The following MARVELD3 variants were observed in gnomAD, a reference collection of about 807,000 sequenced individuals.
MARVELD3 encodes MARVEL domain-containing protein 3.
A neutral mutation model predicts 33.5 loss-of-function variants in MARVELD3; 28 were observed. The ratio of observed to expected loss-of-function variants is 0.84; its 90% CI spans 0.62 to 1.15. The LOEUF (loss-of-function observed/expected upper bound fraction) is 1.15. MARVELD3 is among the 50% of genes most tolerant of loss of function. The probability of loss-of-function intolerance (pLI) is 0.00; values close to 1 mark genes in which losing one functional copy is unlikely to be tolerated. For synonymous variants in MARVELD3, 241 were observed against 230.4 expected (o/e 1.05, Z -0.42); for missense variants, 582 against 547.6 (o/e 1.06, Z -0.63).
rs538683233 is a variant in MARVELD3 at position 71,633,655 on chromosome 16, A to C, written c.596-538A>C. ...AATGATCCACCTGCCTTGGCCTCCC[A>C]AAGTGCTGGGATTACAGGCGTGAGC... On this transcript the variant is annotated intron_variant, in intron 2 of 2. Coordinates refer to ENST00000268485, the MANE Select transcript of MARVELD3 (RefSeq NM_052858.6). Among the ~76,000 whole-genome samples, 3 of 151,304 alleles carry C rather than the reference A, an allele frequency of 2.0e-5. No individual in the cohort carries two copies. In the South Asian group the frequency reaches 6.3e-4, roughly 32 times the overall value.
chr16:71,632,078 C>A (rs2044539130), intron 2 of MARVELD3, among the ~76,000 whole-genome samples: 1 of 152,154 alleles, frequency 6.6e-6, no homozygotes, highest in Admixed American at 6.5e-5. Flanking sequence ...CGTATTATTC[C>A]ATTAACATGA....
At chr16:71,633,368 A>G (rs1281024301) in intron 2 of MARVELD3, among the ~76,000 whole-genome samples, 1 of 152,066 alleles carries the variant, frequency 6.6e-6, no homozygotes, top group Non-Finnish European at 1.5e-5. Context: ...AAAAAAGAAG[A>G]GACAACTTGT....
downstream of MARVELD3, chr16:71,639,390 T>G (rs1458695201): frequency 1.3e-5 from 2 of 148,278 alleles, no homozygotes; most frequent in African/African-American, 2.5e-5. Context: ...TCTTTTTCAC[T>G]CATCATAATT....
chr16:71,632,732 C>T (rs1166705552), intron 2 of MARVELD3, among the ~76,000 whole-genome samples: 1 of 151,906 alleles, frequency 6.6e-6, no homozygotes, highest in Non-Finnish European at 1.5e-5. Context: ...CCACCTCAGC[C>T]TCCTGAGGAG....
chr16:71,640,523 G>A (rs753083805), downstream of MARVELD3: 110 of 1,614,030 alleles, frequency 6.8e-5, no homozygotes, highest in African/African-American at 2.8e-4. Context: ...ACTACTCACC[G>A]TTCGAGGGCA....
intron 2 of MARVELD3, among the ~76,000 whole-genome samples, chr16:71,630,194 C>A (rs1021455799): frequency 1.3e-5 from 2 of 151,832 alleles, no homozygotes; most frequent in African/African-American, 4.8e-5. Context: ...CGAGACCAGC[C>A]TGGCCAACGT....
Position 71,635,544 on chromosome 16 carries a change from T to C in MARVELD3, c.*741T>C, listed in dbSNP as rs561134720. The C allele has an allele frequency of 9.2e-6, 9 of 982,286 alleles. No individual in the cohort carries two copies. In the East Asian group the frequency reaches 5.7e-4, roughly 62 times the overall value. 60.8% of individuals were successfully genotyped at this position (982,286 alleles called of 1,614,324 possible). Reference sequence around the variant, plus strand: ...ATTGCTTGAACCCAGGAGTTCAAGTTTGCAGTGCGCTATGATTGTCCCACT... The same window carrying C: ...ATTGCTTGAACCCAGGAGTTCAAGTCTGCAGTGCGCTATGATTGTCCCACT... On this transcript the variant is annotated 3_prime_UTR_variant, in exon 3 of 3. Transcript: ENST00000268485.
intron 2 of MARVELD3, among the ~76,000 whole-genome samples, chr16:71,632,840 G>A (rs1266431148): frequency 2.0e-5 from 3 of 151,890 alleles, no homozygotes; most frequent in Non-Finnish European, 2.9e-5. Flanking sequence ...TAGAACTCGT[G>A]ACCGCAGGTG....
Position 71,626,621 on chromosome 16 carries a change from G to A in MARVELD3, c.392G>A (p.Gly131Glu), listed in dbSNP as rs1260732789. Residue 131 changes from glycine to glutamate, a missense_variant, in exon 1 of 3, where the codon GGG becomes GAG. Physicochemically the swap from Gly to Glu is moderately conservative, Grantham distance 98. Transcript: ENST00000268485. This position sits in a 1 kb window ranked among gnomAD's most constrained non-coding sequence, Gnocchi z 5.3. ...ACCTGGGACGCAGCCGCGCCTCCTG[G>A]GCCCGCGCCCTGGGAAGCCCCGGAG... Reference protein sequence around the residue: ...GLTWDAAAPPGPAPWEAPEPP... With the variant: ...GLTWDAAAPPEPAPWEAPEPP... 2 of 1,539,186 alleles carry A rather than the reference G, an allele frequency of 1.3e-6. No homozygotes were observed. The highest frequency in any genetic ancestry group is 2.7e-5 in the African/African-American group (2 of 72,856).
In MARVELD3 at chr16:71,634,738, G is replaced by A. The variant is rs950792064; in HGVS notation, c.1141G>A (p.Ala381Thr). 6.2e-7 allele frequency: 1 copy of A among 1,612,428 alleles called. No homozygotes were observed. The highest frequency in any genetic ancestry group is 8.5e-7 in the Non-Finnish European group (1 of 1,179,588). The change falls in exon 3 of 3, where the codon GCC becomes ACC. Residue 381 changes from alanine to threonine, a missense_variant. Physicochemically the swap from Ala to Thr is moderately conservative, Grantham distance 58 (BLOSUM62 0). Coordinates refer to ENST00000268485, the MANE Select transcript of MARVELD3 (RefSeq NM_052858.6). ...IVVFALGAVL[A>T]IKGYRKVRKL... ...GGTCTTTGCCCTGGGGGCTGTCCTGGCCATAAAGGGCTACCGAAAAGTTAG... is the reference window on the plus strand; with the variant it reads ...GGTCTTTGCCCTGGGGGCTGTCCTGACCATAAAGGGCTACCGAAAAGTTAG...
chr16:71,626,587 CG>C lies in MARVELD3; in HGVS notation c.362del (p.Gly121AspfsTer2), dbSNP rs2044473810. 1 of 1,544,840 alleles carries C rather than the reference CG, an allele frequency of 6.5e-7. No individual in the cohort carries two copies. The highest frequency in any genetic ancestry group is 8.7e-7 in the Non-Finnish European group (1 of 1,146,628). ...PRQSRTRDGA[R>X]GLTWDAAAPP... ...CCAAAGCCGGACGCGGGACGGAGCC[CG>C]GGGACTGACCTGGGACGCAGCCGCG... is the stretch of plus-strand genomic sequence containing the variant. On this transcript the variant is annotated frameshift_variant, in exon 1 of 3. Coordinates refer to ENST00000268485, the MANE Select transcript of MARVELD3 (RefSeq NM_052858.6). LOFTEE classifies it high-confidence loss of function. The surrounding 1 kb of genome is among the most constrained non-coding windows in gnomAD (Gnocchi z 5.3).
rs775035926 is a variant in MARVELD3, at chr16:71,634,576, T to C, written c.979T>C (p.Tyr327His). The C allele has an allele frequency of 6.2e-7, 1 of 1,614,148 alleles. No homozygotes were observed. The highest frequency in any genetic ancestry group is 8.5e-7 in the Non-Finnish European group (1 of 1,180,022). Residue 327 changes from tyrosine (Y) to histidine (H), a missense_variant, in exon 3 of 3, where the codon TAC (tyrosine) becomes CAC (histidine). Tyr to His is a moderately conservative substitution (Grantham distance 83, BLOSUM62 2). Transcript: ENST00000268485. ...YIPALYFYFH[Y>H]LSAAYGSPVC... ...CCCGGCCTTGTACTTCTACTTCCAC[T>C]ACCTCTCTGCTGCCTATGGCTCTCC...
chr16:71,641,143 T>C (rs774271511), downstream of MARVELD3: 82 of 1,308,650 alleles, frequency 6.3e-5, 1 homozygote, highest in Non-Finnish European at 6.2e-5. Flanking sequence ...AATGCTCTCT[T>C]TGGACTGAGG....
At chr16:71,627,119 G>A (rs575335730) in intron 1 of MARVELD3, among the ~76,000 whole-genome samples, 1 of 152,312 alleles carries the variant, frequency 6.6e-6, no homozygotes, top group East Asian at 1.9e-4. Context: ...CGACTCCAAA[G>A]TCCCCTTCCT....
chr16:71,636,106 C>T lies in MARVELD3; in HGVS notation c.*1303C>T. The T allele has an allele frequency of 1.0e-6, 1 of 985,194 alleles. No individual in the cohort carries two copies. The highest frequency in any genetic ancestry group is 4.7e-5 in the South Asian group (1 of 21,266). The allele number at this position is 985,194 out of a possible 1,614,324, so 61.0% of individuals were successfully genotyped here. On this transcript the variant is annotated 3_prime_UTR_variant, in exon 3 of 3. Transcript: ENST00000268485. ...TGGAACATTGCAATATATTCTCGGT[C>T]CTTAAGTTATGACTTATGGAACATT...
chr16:71,635,469 C>CA lies in MARVELD3; in HGVS notation c.*667dup. ...ACCTTACCTTCAAAGTTCCTGGGCACAGTGGCTCACACCTGTAATCCCAGA... is the reference window on the plus strand; with the variant it reads ...ACCTTACCTTCAAAGTTCCTGGGCACAAGTGGCTCACACCTGTAATCCCAGA... On this transcript the variant is annotated 3_prime_UTR_variant, in exon 3 of 3. Coordinates refer to ENST00000268485, the MANE Select transcript of MARVELD3 (RefSeq NM_052858.6). 2.0e-6 allele frequency: 2 copies of CA among 984,994 alleles called. No individual in the cohort carries two copies. Among genetic ancestry groups the CA allele is most frequent in the Non-Finnish European group, 2.4e-6 (2 of 829,942 alleles). The allele number at this position is 984,994 out of a possible 1,614,324, so 61.0% of individuals were successfully genotyped here. A position where few individuals can be genotyped will look rare whatever the true frequency, so the allele number is the denominator to read the frequency against.
Position 71,626,558 on chromosome 16 carries a change from C to A in MARVELD3, c.329C>A (p.Pro110Gln), listed in dbSNP as rs1307241436. The A allele has an allele frequency of 6.5e-7, 1 of 1,548,606 alleles. No homozygotes were observed. The highest frequency in any genetic ancestry group is 1.2e-5 in the South Asian group (1 of 84,060). ...GGTGAACACGGAGTTTGGGAAAAACCGCGCCAAAGCCGGACGCGGGACGGA... is the reference window on the plus strand; with the variant it reads ...GGTGAACACGGAGTTTGGGAAAAACAGCGCCAAAGCCGGACGCGGGACGGA... ...RAGEHGVWEK[P>Q]RQSRTRDGAR... The change falls in exon 1 of 3, where the codon CCG becomes CAG. Residue 110 changes from proline (P) to glutamine (Q), a missense_variant. Coordinates refer to ENST00000268485, the MANE Select transcript of MARVELD3 (RefSeq NM_052858.6). This position sits in a 1 kb window ranked among gnomAD's most constrained non-coding sequence, Gnocchi z 5.3.
intron 2 of MARVELD3, 122 bp from the exon 3 acceptor site, chr16:71,634,071 G>T: frequency 6.8e-7 from 1 of 1,473,526 alleles, no homozygotes. Flanking sequence ...TTGGCCTCGG[G>T]TCTTCCACAG....
At chr16:71,627,860 C>T (rs2044490240) in intron 1 of MARVELD3, among the ~76,000 whole-genome samples, 1 of 152,186 alleles carries the variant, frequency 6.6e-6, no homozygotes, top group Admixed American at 6.5e-5. Flanking sequence ...ATTGAATACC[C>T]AGATAATGTG....
Sources: allele counts gnomAD v4.1 joint callset (sites outside exome capture counted in the v4.1 genomes callset), GRCh38; gene constraint gnomAD v4.1.1; non-coding constraint Gnocchi (gnomAD v3.1); transcripts MANE v1.5; gene names NCBI Gene and HGNC (gene_info 2026-07-23, HGNC 2026-07-21).